Variants in KCNQ5 observed in about 807,000 individuals in gnomAD.
KCNQ5 encodes the protein potassium voltage-gated channel subfamily KQT member 5.
A neutral mutation model predicts 98.2 loss-of-function variants in KCNQ5; 30 were observed. That is an observed-to-expected ratio of 0.31 (90% CI 0.23 to 0.41). The LOEUF (loss-of-function observed/expected upper bound fraction) is 0.41, where lower values mean the gene tolerates loss of function less well. Ranked by LOEUF, KCNQ5 falls within the 10% of genes least tolerant of loss-of-function variation. The probability of loss-of-function intolerance (pLI) is 1.00; values close to 1 mark genes in which losing one functional copy is unlikely to be tolerated. For synonymous variants in KCNQ5, 458 were observed against 449.4 expected (o/e 1.02, Z -0.24); for missense variants, 835 against 1,182.5 (o/e 0.71, Z 4.31).
At chr6:72,890,470 TG>T (rs1428053166) in intron 1 of KCNQ5, among the ~76,000 whole-genome samples, 1 of 150,824 alleles carries the variant, frequency 6.6e-6, no homozygotes, top group Non-Finnish European at 1.5e-5. Context: ...GAGCTGTTTG[TG>T]GGGGAAGTTA....
At chr6:72,955,939 A>G (rs1767021667) in intron 1 of KCNQ5, among the ~76,000 whole-genome samples, 1 of 152,100 alleles carries the variant, frequency 6.6e-6, no homozygotes, top group African/African-American at 2.4e-5. Flanking sequence ...AACAAAACAA[A>G]ACAAAACAAA....
intron 11 of KCNQ5, among the ~76,000 whole-genome samples, chr6:73,171,506 T>G (rs1286340695): frequency 1.3e-5 from 2 of 152,224 alleles, no homozygotes; most frequent in Non-Finnish European, 2.9e-5. Context: ...GATTTAGAAC[T>G]GCACTGTCCA....
At chr6:72,631,510 A>T (rs2098920783) in intron 1 of KCNQ5, among the ~76,000 whole-genome samples, 1 of 152,240 alleles carries the variant, frequency 6.6e-6, no homozygotes, top group South Asian at 2.1e-4. Flanking sequence ...AAAAAAAAAT[A>T]AAAGTAACCA....
At chr6:73,107,505 T>TA (rs1582371694) in intron 6 of KCNQ5, among the ~76,000 whole-genome samples, 1 of 152,252 alleles carries the variant, frequency 6.6e-6, no homozygotes, top group Non-Finnish European at 1.5e-5. Context: ...ATCCTGTCAG[T>TA]AAAAATAAAA....
At chr6:73,105,131 T>C (rs1174499479) in intron 5 of KCNQ5, 126 bp from the exon 6 acceptor site, 2 of 541,506 alleles carry the variant, frequency 3.7e-6, no homozygotes, top group African/African-American at 1.9e-5. Flanking sequence ...TAAAGCACAG[T>C]AATAAAAAGC....
intron 1 of KCNQ5, among the ~76,000 whole-genome samples, chr6:72,746,064 C>CAAAAAAAAAAAAAAAA (rs59726566): frequency 2.5e-5 from 2 of 80,148 alleles, no homozygotes; most frequent in African/African-American, 7.0e-5. Context: ...ACTCTATTTG[C>CAAAAAAAAAAAAAAAA]AAAAAAAAAA....
intron 1 of KCNQ5, among the ~76,000 whole-genome samples, chr6:72,687,717 G>A (rs1303771793): frequency 6.6e-6 from 1 of 151,988 alleles, no homozygotes; most frequent in African/African-American, 2.4e-5. Context: ...TCAAACTGTA[G>A]AATGATGTTT....
chr6:73,173,426 A>G (rs928635078), intron 11 of KCNQ5, among the ~76,000 whole-genome samples: 8 of 152,208 alleles, frequency 5.3e-5, no homozygotes, highest in African/African-American at 1.9e-4. Context: ...ACACACTCAC[A>G]TATACCTATT....
intron 1 of KCNQ5, among the ~76,000 whole-genome samples, chr6:72,980,480 G>A (rs1466319636): frequency 3.3e-5 from 5 of 152,128 alleles, no homozygotes; most frequent in Admixed American, 3.3e-4. Context: ...CTGTTTGTCT[G>A]TTATTGGTGT....
intron 1 of KCNQ5, among the ~76,000 whole-genome samples, chr6:72,959,475 A>T (rs1767235438): frequency 6.6e-6 from 1 of 152,248 alleles, no homozygotes; most frequent in Non-Finnish European, 1.5e-5. Flanking sequence ...GATTATCTAC[A>T]AAGACATTCA....
chr6:73,105,718 T>C (rs1470984227), intron 6 of KCNQ5, among the ~76,000 whole-genome samples: 1 of 152,222 alleles, frequency 6.6e-6, no homozygotes, highest in Non-Finnish European at 1.5e-5. Context: ...TGGTTTATAA[T>C]GTGTGCTACT....
chr6:72,889,748 G>T (rs1156870617), intron 1 of KCNQ5, among the ~76,000 whole-genome samples: 2 of 152,120 alleles, frequency 1.3e-5, no homozygotes, highest in East Asian at 1.9e-4. Context: ...TTTTTAAGTT[G>T]ATGGATTTCT....
intron 10 of KCNQ5, among the ~76,000 whole-genome samples, chr6:73,159,752 G>A (rs1317720465): frequency 2.0e-5 from 3 of 152,000 alleles, no homozygotes; most frequent in Non-Finnish European, 4.4e-5. Flanking sequence ...TATATATTTT[G>A]AATTGTGATT....
intron 1 of KCNQ5, among the ~76,000 whole-genome samples, chr6:72,747,953 A>G (rs1375387880): frequency 6.6e-6 from 1 of 152,154 alleles, no homozygotes; most frequent in Non-Finnish European, 1.5e-5. Context: ...GTTCAGTGGG[A>G]CTTTCATTTC....
chr6:73,049,868 TAGG>T (rs1431264986), intron 3 of KCNQ5, among the ~76,000 whole-genome samples: 1 of 152,054 alleles, frequency 6.6e-6, no homozygotes, highest in South Asian at 2.1e-4. Flanking sequence ...TCCCTCCTTC[TAGG>T]GGCCATTGTC....
At chr6:72,822,597 G>GT (rs1411948717) in intron 1 of KCNQ5, among the ~76,000 whole-genome samples, 3 of 152,048 alleles carry the variant, frequency 2.0e-5, no homozygotes, top group Admixed American at 2.0e-4. Flanking sequence ...CTGTCTCTTT[G>GT]TTTTTTTCTT....
At chr6:72,971,814 G>A (rs1036133179) in intron 1 of KCNQ5, among the ~76,000 whole-genome samples, 1 of 152,038 alleles carries the variant, frequency 6.6e-6, no homozygotes, top group African/African-American at 2.4e-5. Flanking sequence ...CAGGAAGGGG[G>A]ACATCACACA....
At chr6:73,148,917 A>G (rs1582445971) in intron 10 of KCNQ5, among the ~76,000 whole-genome samples, 3 of 152,332 alleles carry the variant, frequency 2.0e-5, no homozygotes, top group East Asian at 3.9e-4. Context: ...AGAAGGGAGC[A>G]AGTAATAAAC....
At position 73,193,799 on chromosome 6, in the gene KCNQ5, G is replaced by A. The variant is rs542658467; in HGVS notation, c.1837-653G>A. On this transcript the variant is annotated intron_variant, in intron 13 of 13. Transcript: ENST00000370398. ...AGAGTTTCAGAATGTCTTCATAGAG[G>A]AGACTTAGGAAAGACAATCTGACAG... Among the ~76,000 whole-genome samples the A allele has an allele frequency of 8.1e-4, 122 of 151,110 alleles. 1 individual carries two copies. The highest frequency in any genetic ancestry group is 2.7e-3 in the African/African-American group (111 of 41,178).
Sources: gnomAD v4.1 joint callset for allele counts (sites outside exome capture counted in the v4.1 genomes callset) on GRCh38, gnomAD v4.1.1 for gene constraint, MANE v1.5 for transcripts, NCBI Gene and HGNC (gene_info 2026-07-23, HGNC 2026-07-21) for gene names.